Variants in ORAI2 observed in about 807,000 individuals in gnomAD.
ORAI2 encodes the protein ORAI calcium release-activated calcium modulator 2.
A neutral mutation model predicts 16.2 loss-of-function variants in ORAI2; 10 were observed. The observed-to-expected ratio is 0.62, with a 90% CI of 0.38 to 1.04. The LOEUF (loss-of-function observed/expected upper bound fraction) is 1.04. Ranked by LOEUF, ORAI2 falls within the 50% of genes least tolerant of loss-of-function variation. The probability of loss-of-function intolerance (pLI) is 0.01; values close to 1 mark genes in which losing one functional copy is unlikely to be tolerated. For missense variants in ORAI2, 238 were observed against 355.5 expected, an observed-to-expected ratio of 0.67 and a Z score of 2.66; for synonymous variants, 150 against 157.5, an observed-to-expected ratio of 0.95 and a Z score of 0.35.
At chr7:102,439,642 T>C (rs1797146073) in intron 3 of ORAI2, among the ~76,000 whole-genome samples, 1 of 151,970 alleles carries the variant, frequency 6.6e-6, no homozygotes, top group South Asian at 2.1e-4. Context: ...CGTGCACCTA[T>C]AGCCCCAGCT....
chr7:102,450,173 G>C lies in ORAI2; in HGVS notation c.*3121G>C, dbSNP rs1225671424. ...GATTGTACCACTGCACTCCAGCCTG[G>C]GTGACAGAGTGAGACCCTGTCTCTA... On this transcript the variant is annotated 3_prime_UTR_variant, in exon 4 of 4. Coordinates refer to ENST00000495936, the MANE Select transcript of ORAI2 (RefSeq NM_001126340.3). 6.6e-6 allele frequency: 1 copy of C among 151,920 alleles called. No homozygotes were observed. The highest frequency in any genetic ancestry group is 6.6e-5 in the Admixed American group (1 of 15,236). The allele number at this position is 151,920 out of a possible 1,614,324, so 9.4% of individuals were successfully genotyped here.
intron 3 of ORAI2, among the ~76,000 whole-genome samples, chr7:102,441,949 A>G (rs1011643197): frequency 1.3e-5 from 2 of 152,156 alleles, no homozygotes; most frequent in African/African-American, 4.8e-5. Flanking sequence ...GAACAGGCAA[A>G]GGTACAGATT....
Position 102,452,223 on chromosome 7 carries a change from C to T in ORAI2, c.*5171C>T, listed in dbSNP as rs1463935326. The T allele has an allele frequency of 6.6e-6, 1 of 152,150 alleles. No individual in the cohort carries two copies. Among genetic ancestry groups the T allele is most frequent in the Non-Finnish European group, 1.5e-5 (1 of 68,058 alleles). The allele number at this position is 152,150 out of a possible 1,614,324, so 9.4% of individuals were successfully genotyped here. On this transcript the variant is annotated 3_prime_UTR_variant, in exon 4 of 4. Coordinates refer to ENST00000495936, the MANE Select transcript of ORAI2 (RefSeq NM_001126340.3). ...TTGGCTCACTGCAACCTCCTCCTCC[C>T]AGGTTCAAGCGATCTTGTGCCTCAG...
In ORAI2 at chr7:102,446,627, A is replaced by T. The variant is rs780272783; in HGVS notation, c.340A>T (p.Ile114Phe). ...LVAVHLFALLISTCILPNVEA... is the reference protein window; with the variant it reads ...LVAVHLFALLFSTCILPNVEA... ...GGCCGTGCACCTGTTCGCCCTCCTC[A>T]TCAGCACCTGCATCCTGCCCAATGT... The change falls in exon 4 of 4, where the codon ATC becomes TTC. Residue 114 changes from isoleucine (I) to phenylalanine (F), a missense_variant. Ile to Phe is a conservative substitution (Grantham distance 21). This residue lies in a region of ORAI2 where 176 missense variants were observed against 265.9 expected (regional missense o/e 0.66). Transcript: ENST00000495936. 6.2e-7 allele frequency: 1 copy of T among 1,614,020 alleles called. No individual in the cohort carries two copies. Among genetic ancestry groups the T allele is most frequent in the Non-Finnish European group, 8.5e-7 (1 of 1,180,018 alleles).
At chr7:102,440,634 A>G (rs1413652558) in intron 3 of ORAI2, among the ~76,000 whole-genome samples, 2 of 151,670 alleles carry the variant, frequency 1.3e-5, no homozygotes, top group Admixed American at 6.6e-5. Flanking sequence ...TCCTGAGCTC[A>G]AGCCATCCTC....
rs10672661 is a variant in ORAI2 at position 102,451,200 on chromosome 7, CAAAAA to C, written c.*4160_*4164del. On this transcript the variant is annotated 3_prime_UTR_variant, in exon 4 of 4. Coordinates refer to ENST00000495936, the MANE Select transcript of ORAI2 (RefSeq NM_001126340.3). Reference sequence around the variant, plus strand: ...TGGGTAACAGAGCAAGACTCTGTCTCAAAAAAAAAAAAAAAAGAACAGGGGCCTCT... The same window carrying C: ...TGGGTAACAGAGCAAGACTCTGTCTCAAAAAAAAAAAGAACAGGGGCCTCT... The C allele has an allele frequency of 1.6e-5, 2 of 124,536 alleles. No individual in the cohort carries two copies. Among genetic ancestry groups the C allele is most frequent in the Admixed American group, 8.6e-5 (1 of 11,668 alleles). 7.7% of individuals were successfully genotyped at this position (124,536 alleles called of 1,614,324 possible).
Position 102,454,191 on chromosome 7 carries a change from T to TCGAGACCA in ORAI2, c.*7140_*7147dup, listed in dbSNP as rs1464320771. ...GGGCGGATCGCTTGAGCCAAGGAGT[T>TCGAGACCA]CGAGACCAGCCTGGGCAACATTACG... On this transcript the variant is annotated 3_prime_UTR_variant, in exon 4 of 4. Transcript: ENST00000495936. 6.6e-6 allele frequency: 1 copy of TCGAGACCA among 151,878 alleles called. No homozygotes were observed. The highest frequency in any genetic ancestry group is 2.4e-5 in the African/African-American group (1 of 41,306). The allele number at this position is 151,878 out of a possible 1,614,324, so 9.4% of individuals were successfully genotyped here.
rs1796988274 is a variant in ORAI2, at chr7:102,433,829, G to A, written c.-123+168G>A. On this transcript the variant is annotated intron_variant, in intron 1 of 3. Coordinates refer to ENST00000495936, the MANE Select transcript of ORAI2 (RefSeq NM_001126340.3). This position sits in a 1 kb window ranked among gnomAD's most constrained non-coding sequence, Gnocchi z 4.6. ...ACCTCCACCCCGCGGGATCCCTGGC[G>A]GGGTGCGGCGCCCAGAGGATCAGGG... Among the ~76,000 whole-genome samples the A allele has an allele frequency of 1.3e-5, 2 of 152,010 alleles. No homozygotes were observed. The highest frequency in any genetic ancestry group is 4.1e-4 in the South Asian group (2 of 4,828).
chr7:102,438,500 C>T (rs909811437), intron 2 of ORAI2, among the ~76,000 whole-genome samples: 10 of 152,098 alleles, frequency 6.6e-5, no homozygotes, highest in African/African-American at 1.7e-4. Context: ...GAAGGCTGGG[C>T]GCAGTGGCGC....
rs1050593908 is a variant in ORAI2, at chr7:102,449,271, A to C, written c.*2219A>C. The C allele has an allele frequency of 1.3e-5, 2 of 152,216 alleles. No homozygotes were observed. Among genetic ancestry groups the C allele is most frequent in the African/African-American group, 4.8e-5 (2 of 41,452 alleles). The allele number at this position is 152,216 out of a possible 1,614,324, so 9.4% of individuals were successfully genotyped here. ...TAATATGTGTTCGCTTTGCTAAAGA[A>C]TATCAACATCGGCCAGGCGAGGTGG... is the stretch of plus-strand genomic sequence containing the variant. On this transcript the variant is annotated 3_prime_UTR_variant, in exon 4 of 4. Coordinates refer to ENST00000495936, the MANE Select transcript of ORAI2 (RefSeq NM_001126340.3).
chr7:102,443,906 C>G (rs936500671), intron 3 of ORAI2, among the ~76,000 whole-genome samples: 4 of 151,884 alleles, frequency 2.6e-5, no homozygotes. Flanking sequence ...GGGGTTTTAC[C>G]ATGTTGGTCA....
At chr7:102,443,574 C>G (rs1387046453) in intron 3 of ORAI2, among the ~76,000 whole-genome samples, 1 of 152,018 alleles carries the variant, frequency 6.6e-6, no homozygotes, top group Non-Finnish European at 1.5e-5. Context: ...CATAGCCAAC[C>G]CAGGGCCACA....
chr7:102,455,311 C>T lies in ORAI2; in HGVS notation c.*8259C>T, dbSNP rs1394012014. 1 of 152,272 alleles carries T rather than the reference C, an allele frequency of 6.6e-6. No individual in the cohort carries two copies. Among genetic ancestry groups the T allele is most frequent in the Non-Finnish European group, 1.5e-5 (1 of 68,096 alleles). The allele number at this position is 152,272 out of a possible 1,614,324, so 9.4% of individuals were successfully genotyped here. A position where few individuals can be genotyped will look rare whatever the true frequency, so the allele number is the denominator to read the frequency against. ...CAGAAGCATCCTGGCGTGGCCTTCT[C>T]CAGCCCCATCCTGGTTGGGTAAGGT... On this transcript the variant is annotated 3_prime_UTR_variant, in exon 4 of 4. Transcript: ENST00000495936.
chr7:102,446,293 A>G (rs1280671320), intron 3 of ORAI2, among the ~76,000 whole-genome samples: 1 of 152,222 alleles, frequency 6.6e-6, no homozygotes, highest in Non-Finnish European at 1.5e-5. Flanking sequence ...TCTTCTTTAG[A>G]TAATTAGAAC....
Position 102,436,256 on chromosome 7 carries a change from G to C in ORAI2, c.-91G>C. On this transcript the variant is annotated 5_prime_UTR_variant, in exon 2 of 4. Transcript: ENST00000495936. ...AACGTCCCAGGGATGGAAGTGCTTG[G>C]ATGCGGTGCTGCTGGCTGCGGATGT... 1.0e-6 allele frequency: 1 copy of C among 973,820 alleles called. No homozygotes were observed. The highest frequency in any genetic ancestry group is 1.2e-6 in the Non-Finnish European group (1 of 819,160). 60.3% of individuals were successfully genotyped at this position (973,820 alleles called of 1,614,324 possible). A position where few individuals can be genotyped will look rare whatever the true frequency, so the allele number is the denominator to read the frequency against.
rs73712488 is a variant in ORAI2 at position 102,452,014 on chromosome 7, G to T, written c.*4962G>T. The T allele has an allele frequency of 0.12, 18,866 of 152,266 alleles. 2,032 individuals are homozygous for T. The highest frequency in any genetic ancestry group is 0.42 in the East Asian group (2,170 of 5,174). 9.4% of individuals were successfully genotyped at this position (152,266 alleles called of 1,614,324 possible). A position where few individuals can be genotyped will look rare whatever the true frequency, so the allele number is the denominator to read the frequency against. On this transcript the variant is annotated 3_prime_UTR_variant, in exon 4 of 4. Transcript: ENST00000495936. ...GGCGTTCCCCCCAGTCCCTTGAGGA[G>T]AGGAGCTACCAGAGCACTGGTCACC...
At chr7:102,442,919 C>G (rs1797244135) in intron 3 of ORAI2, among the ~76,000 whole-genome samples, 1 of 150,370 alleles carries the variant, frequency 6.7e-6, no homozygotes, top group South Asian at 2.1e-4. Flanking sequence ...ATTGGGGAGA[C>G]TGAGGAAGGA....
chr7:102,441,238 G>T (rs1325287974), intron 3 of ORAI2, among the ~76,000 whole-genome samples: 1 of 151,158 alleles, frequency 6.6e-6, no homozygotes, highest in Non-Finnish European at 1.5e-5. Context: ...TAGATTGATG[G>T]TGCAATTTAA....
In ORAI2 at chr7:102,451,661, C is replaced by A. The variant is rs966334320; in HGVS notation, c.*4609C>A. ...TGCTGTGGGCAGAGGGGATAAATTG[C>A]AGCCCCTGGCCCTCCCGTGGCATCT... is the stretch of plus-strand genomic sequence containing the variant. On this transcript the variant is annotated 3_prime_UTR_variant, in exon 4 of 4. Transcript: ENST00000495936. 5 of 152,290 alleles carry A rather than the reference C, an allele frequency of 3.3e-5. No homozygotes were observed. The highest frequency in any genetic ancestry group is 7.2e-5 in the African/African-American group (3 of 41,472). The allele number at this position is 152,290 out of a possible 1,614,324, so 9.4% of individuals were successfully genotyped here.
Sources: allele counts gnomAD v4.1 joint callset (sites outside exome capture counted in the v4.1 genomes callset), GRCh38; gene constraint gnomAD v4.1.1; regional missense constraint gnomAD v4.1.1; non-coding constraint Gnocchi (gnomAD v3.1); transcripts MANE v1.5; gene names NCBI Gene and HGNC (gene_info 2026-07-23, HGNC 2026-07-21).